Variants in TTYH1 observed in about 807,000 individuals in gnomAD.
TTYH1 encodes the protein protein tweety homolog 1.
A neutral mutation model predicts 61.2 loss-of-function variants in TTYH1; 33 were observed. That is an observed-to-expected ratio of 0.54 (90% CI 0.41 to 0.72). TTYH1 has a LOEUF of 0.72. Ranked by LOEUF, TTYH1 falls within the 30% of genes least tolerant of loss-of-function variation. The probability of loss-of-function intolerance (pLI) is 0.00; values close to 1 mark genes in which losing one functional copy is unlikely to be tolerated. For synonymous variants in TTYH1, 308 were observed against 266.4 expected, an observed-to-expected ratio of 1.16 and a Z score of -1.52; for missense variants, 538 against 575.8, an observed-to-expected ratio of 0.93 and a Z score of 0.67.
intron 1 of TTYH1, chr19:54,417,012 G>C (rs2083094997): frequency 2.5e-6 from 3 of 1,182,038 alleles, no homozygotes; most frequent in Non-Finnish European, 3.2e-6. Context: ...CCCCACAGCC[G>C]AGGAGGGCAA....
In TTYH1 at chr19:54,416,077, C is replaced by T. The variant is rs1449872109; in HGVS notation, c.126+399C>T. ...ACAGGATCAGAGCAGGTGAATATGT[C>T]CCAGATAAGGTGGGACCCAGGAGAC... On this transcript the variant is annotated intron_variant, in intron 1 of 13. Transcript: ENST00000376530. This position sits in a 1 kb window ranked among gnomAD's most constrained non-coding sequence, Gnocchi z 7.0. 4 of 1,305,810 alleles carry T rather than the reference C, an allele frequency of 3.1e-6. No homozygotes were observed. Among genetic ancestry groups the T allele is most frequent in the Non-Finnish European group, 4.0e-6 (4 of 990,132 alleles). 80.9% of individuals were successfully genotyped at this position (1,305,810 alleles called of 1,614,324 possible).
At chr19:54,417,749 C>T (rs1335684953) in intron 1 of TTYH1, among the ~76,000 whole-genome samples, 4 of 151,870 alleles carry the variant, frequency 2.6e-5, no homozygotes, top group African/African-American at 7.3e-5. Context: ...TTGACTATAG[C>T]ATTCATGTGC....
In TTYH1 at chr19:54,436,408, G is replaced by A; in HGVS notation, c.*118G>A. On this transcript the variant is annotated 3_prime_UTR_variant, in exon 14 of 14. Transcript: ENST00000376530. This position sits in a 1 kb window ranked among gnomAD's most constrained non-coding sequence, Gnocchi z 4.3. Reference sequence around the variant, plus strand: ...TCTGACCACTAACACTCTTGGCCATGGACAGCCTGCACAGGACCGCCTCCC... The same window carrying A: ...TCTGACCACTAACACTCTTGGCCATAGACAGCCTGCACAGGACCGCCTCCC... 3 of 1,611,840 alleles carry A rather than the reference G, an allele frequency of 1.9e-6. No individual in the cohort carries two copies. The highest frequency in any genetic ancestry group is 2.5e-6 in the Non-Finnish European group (3 of 1,178,096).
chr19:54,431,352 A>C (rs894129622), intron 10 of TTYH1, 161 bp downstream of exon 10: 1 of 600,852 alleles, frequency 1.7e-6, no homozygotes, highest in African/African-American at 1.9e-5. Flanking sequence ...TTCTCTACCT[A>C]TTTATAACCT....
At chr19:54,433,298 C>CT (rs2083476625) in intron 10 of TTYH1, 1 of 152,282 alleles carries the variant, frequency 6.6e-6, no homozygotes, top group African/African-American at 2.4e-5. Context: ...TGGCTCACGC[C>CT]TGTAATCCCA....
rs1039142104 is a variant in TTYH1, at chr19:54,436,400, T to C, written c.*110T>C. The stretch of plus-strand genomic sequence containing the variant: ...GCCTGGGCTCTGACCACTAACACTC[T>C]TGGCCATGGACAGCCTGCACAGGAC... On this transcript the variant is annotated 3_prime_UTR_variant, in exon 14 of 14. Coordinates refer to ENST00000376530, the MANE Select transcript of TTYH1 (RefSeq NM_020659.4). This position sits in a 1 kb window ranked among gnomAD's most constrained non-coding sequence, Gnocchi z 4.3. 6 of 1,613,232 alleles carry C rather than the reference T, an allele frequency of 3.7e-6. No individual in the cohort carries two copies. Among genetic ancestry groups the C allele is most frequent in the African/African-American group, 2.7e-5 (2 of 74,916 alleles).
chr19:54,422,516 A>AGT, intron 4 of TTYH1, 106 bp downstream of exon 4: 1 of 967,520 alleles, frequency 1.0e-6, no homozygotes, highest in Non-Finnish European at 1.5e-6. Flanking sequence ...ACAGCTGGGG[A>AGT]GTGTGTGCGC....
chr19:54,415,917 G>A lies in TTYH1; in HGVS notation c.126+239G>A. 1 of 823,764 alleles carries A rather than the reference G, an allele frequency of 1.2e-6. No individual in the cohort carries two copies. The highest frequency in any genetic ancestry group is 1.9e-6 in the Non-Finnish European group (1 of 538,634). The allele number at this position is 823,764 out of a possible 1,614,324, so 51.0% of individuals were successfully genotyped here. On this transcript the variant is annotated intron_variant, in intron 1 of 13. Coordinates refer to ENST00000376530, the MANE Select transcript of TTYH1 (RefSeq NM_020659.4). The surrounding 1 kb of genome is among the most constrained non-coding windows in gnomAD (Gnocchi z 5.2). ...CTAAATAAGGGAAGGCTGGGGACCT[G>A]CACCCCTGAGTTCATGGAGAGGAGG... is the stretch of plus-strand genomic sequence containing the variant.
rs201349780 is a variant in TTYH1, at chr19:54,429,086, AC to A, written c.735-217del. On this transcript the variant is annotated intron_variant, in intron 5 of 13. Transcript: ENST00000376530. The surrounding 1 kb of genome is among the most constrained non-coding windows in gnomAD (Gnocchi z 5.1). ...CCACCCAGCCCAGGGCCCTGCTCATACCCCACACCCTGCTCATCTGGGCAGG... is the reference window on the plus strand; with the variant it reads ...CCACCCAGCCCAGGGCCCTGCTCATACCCACACCCTGCTCATCTGGGCAGG... Among the ~76,000 whole-genome samples the A allele has an allele frequency of 5.6e-4, 85 of 151,626 alleles. No individual in the cohort carries two copies. In the East Asian group the frequency reaches 0.016, roughly 28 times the overall value.
Position 54,419,161 on chromosome 19 carries a change from G to A in TTYH1, c.160G>A (p.Gly54Ser). ...GCTGGTGGCGGCCTTGGCGGGCCTG[G>A]GCTTGGGCCTGAGCCTCATTTTCAT... ...LLLVAALAGL[G>S]LGLSLIFIAV... Residue 54 changes from glycine to serine, a missense_variant, in exon 2 of 14, where the codon GGC (glycine) becomes AGC (serine). This residue lies in a region of TTYH1 where 157 missense variants were observed against 157.0 expected (regional missense o/e 1.00). Transcript: ENST00000376530. The surrounding 1 kb of genome is among the most constrained non-coding windows in gnomAD (Gnocchi z 6.1). 6 of 1,613,276 alleles carry A rather than the reference G, an allele frequency of 3.7e-6. No individual in the cohort carries two copies. Among genetic ancestry groups the A allele is most frequent in the Non-Finnish European group, 5.1e-6 (6 of 1,179,892 alleles).
At chr19:54,431,565 A>G in intron 10 of TTYH1, 1 of 276,514 alleles carries the variant, frequency 3.6e-6, no homozygotes, top group Non-Finnish European at 6.9e-6. Flanking sequence ...GTTCTGGAGC[A>G]AGACTGCCTG....
rs753145819 is a variant in TTYH1, at chr19:54,431,099, A to G, written c.1033A>G (p.Lys345Glu). ...AAAACGACCCCTCCTCGCCCCGCAG[A>G]AGCCTCTGCTGTCCTTGGAGGAGAC... ...EAVPQFPSAQKPLLSLEETLN... is the reference protein window; with the variant it reads ...EAVPQFPSAQEPLLSLEETLN... Residue 345 changes from lysine to glutamate, a missense_variant and splice_region_variant, in exon 10 of 14, where the codon AAG becomes GAG. By Grantham distance (56) the Lys-to-Glu change is moderately conservative. Around this residue, in one of 3 missense-constraint regions of TTYH1, gnomAD observed 378 missense variants for 401.2 expected, o/e 0.94. Transcript: ENST00000376530. 1 of 1,612,746 alleles carries G rather than the reference A, an allele frequency of 6.2e-7. No homozygotes were observed. The highest frequency in any genetic ancestry group is 8.5e-7 in the Non-Finnish European group (1 of 1,178,766).
At position 54,429,232 on chromosome 19, in the gene TTYH1, T is replaced by G; in HGVS notation, c.735-75T>G. 1 of 1,379,124 alleles carries G rather than the reference T, an allele frequency of 7.3e-7. No individual in the cohort carries two copies. The highest frequency in any genetic ancestry group is 1.0e-6 in the Non-Finnish European group (1 of 970,842). The allele number at this position is 1,379,124 out of a possible 1,614,324, so 85.4% of individuals were successfully genotyped here. A position where few individuals can be genotyped will look rare whatever the true frequency, so the allele number is the denominator to read the frequency against. ...GGGTGGAGGTGGGGGGCGGCTGTGA[T>G]GGGATTTGGGGTGTGGAAAGAGGCT... On this transcript the variant is annotated intron_variant, in intron 5 of 13. Transcript: ENST00000376530. The surrounding 1 kb of genome is among the most constrained non-coding windows in gnomAD (Gnocchi z 5.1).
rs1014613738 is a variant in TTYH1, at chr19:54,421,783, T to C, written c.417+395T>C. ...TTCAGCTCCGACATCAGCTCCAGGATTCTGGGCCCTGGGGCTGAGGCCTGG... is the reference window on the plus strand; with the variant it reads ...TTCAGCTCCGACATCAGCTCCAGGACTCTGGGCCCTGGGGCTGAGGCCTGG... On this transcript the variant is annotated intron_variant, in intron 3 of 13. Transcript: ENST00000376530. The surrounding 1 kb of genome is among the most constrained non-coding windows in gnomAD (Gnocchi z 4.8). Among the ~76,000 whole-genome samples, 2 of 152,080 alleles carry C rather than the reference T, an allele frequency of 1.3e-5. No homozygotes were observed. The highest frequency in any genetic ancestry group is 2.1e-4 in the South Asian group (1 of 4,826).
chr19:54,430,584 C>A lies in TTYH1; in HGVS notation c.918C>A (p.Ala306=). The A allele has an allele frequency of 6.2e-7, 1 of 1,613,886 alleles. No individual in the cohort carries two copies. Among genetic ancestry groups the A allele is most frequent in the Non-Finnish European group, 8.5e-7 (1 of 1,179,954 alleles). ...GCTATTATCTCCTCTGCAACCGGGC[C>A]GTCTCCAACCCCTTCCAACAGGTTA... is the stretch of plus-strand genomic sequence containing the variant. ...ILSYYLLCNR[A]VSNPFQQRLT... Residue 306 remains alanine, a synonymous_variant, in exon 8 of 14, where the codon GCC becomes GCA. Transcript: ENST00000376530.
In TTYH1 at chr19:54,429,383, AGTGCCAGGGCCGGGCCATTGGGCTCTGG is replaced by A. The variant is rs2083389055; in HGVS notation, c.807+6_807+33del. ...CCTGGAGGCAGCCACGGCCGTGGTG[AGTGCCAGGGCCGGGCCATTGGGCTCTGG>A]GACTCAGGGGGCCTGGAGACTTCAA... On this transcript the variant is annotated splice_donor_5th_base_variant and intron_variant, in intron 6 of 13. Transcript: ENST00000376530. This position sits in a 1 kb window ranked among gnomAD's most constrained non-coding sequence, Gnocchi z 5.1. The A allele has an allele frequency of 6.2e-7, 1 of 1,613,258 alleles. No homozygotes were observed. The highest frequency in any genetic ancestry group is 8.5e-7 in the Non-Finnish European group (1 of 1,179,840).
At chr19:54,433,276 G>C (rs1380057359) in intron 10 of TTYH1, 1 of 152,312 alleles carries the variant, frequency 6.6e-6, no homozygotes, top group Non-Finnish European at 1.5e-5. Flanking sequence ...TAAGCGGCGG[G>C]GCCGGGCACT....
At chr19:54,417,677 A>G (rs1183964029) in intron 1 of TTYH1, among the ~76,000 whole-genome samples, 2 of 146,428 alleles carry the variant, frequency 1.4e-5, no homozygotes, top group Non-Finnish European at 3.0e-5. Context: ...ATACACGTTT[A>G]TACTCCCATA....
In TTYH1 at chr19:54,436,513, A is replaced by C; in HGVS notation, c.*223A>C. On this transcript the variant is annotated 3_prime_UTR_variant, in exon 14 of 14. Coordinates refer to ENST00000376530, the MANE Select transcript of TTYH1 (RefSeq NM_020659.4). The surrounding 1 kb of genome is among the most constrained non-coding windows in gnomAD (Gnocchi z 4.3). ...GGGCAGACTAGGGAGTAGGGCTGGC[A>C]GGGGAGGGGGCAGACAGCCTCGCCT... 1 of 903,552 alleles carries C rather than the reference A, an allele frequency of 1.1e-6. No individual in the cohort carries two copies. The highest frequency in any genetic ancestry group is 1.5e-5 in the South Asian group (1 of 67,064). 56.0% of individuals were successfully genotyped at this position (903,552 alleles called of 1,614,324 possible).
Sources: gnomAD v4.1 joint callset for allele counts (sites outside exome capture counted in the v4.1 genomes callset) on GRCh38, gnomAD v4.1.1 for gene constraint, gnomAD v4.1.1 regional missense constraint, Gnocchi (gnomAD v3.1) non-coding constraint, MANE v1.5 for transcripts, NCBI Gene and HGNC (gene_info 2026-07-23, HGNC 2026-07-21) for gene names.